Variants in RCSD1 observed in about 807,000 individuals in gnomAD.
RCSD1 encodes RCSD domain containing 1.
Under a neutral mutation model 42.5 loss-of-function variants are expected in RCSD1, and 26 were observed. The observed-to-expected ratio is 0.61, with a 90% CI of 0.45 to 0.85. The LOEUF is 0.85. Ranked by LOEUF, RCSD1 falls within the 40% of genes least tolerant of loss-of-function variation. The pLI is 0.00. For synonymous variants in RCSD1, 220 were observed against 212.2 expected (o/e 1.04, Z -0.32); for missense variants, 571 against 528.3 (o/e 1.08, Z -0.79).
At chr1:167,633,701 C>T (rs1657759127) in intron 1 of RCSD1, 1 of 152,186 alleles carries the variant, frequency 6.6e-6, no homozygotes, top group Admixed American at 6.5e-5. Flanking sequence ...GATTCTGCTC[C>T]ATGGACAGTA....
intron 1 of RCSD1, among the ~76,000 whole-genome samples, chr1:167,674,551 C>T (rs1181530079): frequency 1.3e-5 from 2 of 152,210 alleles, no homozygotes; most frequent in African/African-American, 4.8e-5. Context: ...GACTGTGCAA[C>T]CACCACCACA....
At chr1:167,656,207 G>A (rs537013434) in intron 1 of RCSD1, among the ~76,000 whole-genome samples, 4 of 152,306 alleles carry the variant, frequency 2.6e-5, no homozygotes, top group East Asian at 3.9e-4. Flanking sequence ...CTGCTGAGGC[G>A]CAAGCGGAGG....
chr1:167,652,666 T>C (rs907385657), intron 1 of RCSD1, among the ~76,000 whole-genome samples: 2 of 152,240 alleles, frequency 1.3e-5, no homozygotes, highest in Non-Finnish European at 2.9e-5. Flanking sequence ...TGAATTTGTA[T>C]TGATTTGCTG....
rs1262334234 is a variant in RCSD1 at position 167,706,933 on chromosome 1, A to G, written c.*2237A>G. 6.6e-6 allele frequency among the ~76,000 whole-genome samples: 1 copy of G among 152,246 alleles called. No individual in the cohort carries two copies. The highest frequency in any genetic ancestry group is 2.4e-5 in the African/African-American group (1 of 41,470). The stretch of plus-strand genomic sequence containing the variant: ...AGCACAAAGTTATTAACAGGCCAGG[A>G]AGACCTTGTTTCTTTCAGGCTTCCA... On this transcript the variant is annotated 3_prime_UTR_variant, in exon 7 of 7. Coordinates refer to ENST00000367854, the MANE Select transcript of RCSD1 (RefSeq NM_052862.4).
At chr1:167,701,506 A>G (rs1659646365) in intron 6 of RCSD1, among the ~76,000 whole-genome samples, 1 of 151,920 alleles carries the variant, frequency 6.6e-6, no homozygotes, top group Non-Finnish European at 1.5e-5. Context: ...AGGTTTCACC[A>G]TATTGGCCAG....
intron 1 of RCSD1, among the ~76,000 whole-genome samples, chr1:167,658,416 G>T (rs11581708): frequency 0.038 from 5,750 of 151,894 alleles, 161 homozygotes; most frequent in Non-Finnish European, 0.06. Flanking sequence ...GAGTTTTTTT[G>T]TTGTTGTTGT....
chr1:167,685,654 C>T, intron 3 of RCSD1, 144 bp downstream of exon 3: 1 of 637,644 alleles, frequency 1.6e-6, no homozygotes, highest in Non-Finnish European at 2.7e-6. Context: ...GAGTGAATCT[C>T]CTCTTAAATG....
chr1:167,670,728 T>C (rs1658787051), intron 1 of RCSD1, among the ~76,000 whole-genome samples: 1 of 151,988 alleles, frequency 6.6e-6, no homozygotes, highest in Non-Finnish European at 1.5e-5. Context: ...GCTCCTCCCC[T>C]CGGCTCCCCC....
Position 167,684,490 on chromosome 1 carries a change from G to A in RCSD1, c.108+489G>A, listed in dbSNP as rs548341193. On this transcript the variant is annotated intron_variant, in intron 2 of 6. Transcript: ENST00000367854. ...AGGAAGGAAGAGCGTCCGGTGACCA[G>A]TAGAGGAAAGTGTGACAAGGGAGGG... 1.4e-4 allele frequency among the ~76,000 whole-genome samples: 21 copies of A among 150,674 alleles called. No homozygotes were observed. In the East Asian group the frequency reaches 4.0e-3, roughly 28 times the overall value.
At chr1:167,693,958 G>A in intron 4 of RCSD1, 141 bp from the exon 5 acceptor site, 2 of 716,618 alleles carry the variant, frequency 2.8e-6, no homozygotes, top group South Asian at 3.6e-5. Flanking sequence ...TGGGACAGTG[G>A]ATAATGGGTT....
At position 167,705,848 on chromosome 1, in the gene RCSD1, T is replaced by A. The variant is rs1354945872; in HGVS notation, c.*1152T>A. On this transcript the variant is annotated 3_prime_UTR_variant, in exon 7 of 7. Transcript: ENST00000367854. ...CTGACTACCCAGTCTTTGACTTGTA[T>A]CCTCTCCCCTCTTCATACACTCCTG... is the stretch of plus-strand genomic sequence containing the variant. 1 of 152,196 alleles carries A rather than the reference T, an allele frequency of 6.6e-6. No individual in the cohort carries two copies. Among genetic ancestry groups the A allele is most frequent in the East Asian group, 1.9e-4 (1 of 5,192 alleles). 9.4% of individuals were successfully genotyped at this position (152,196 alleles called of 1,614,324 possible). A position where few individuals can be genotyped will look rare whatever the true frequency, so the allele number is the denominator to read the frequency against.
intron 1 of RCSD1, among the ~76,000 whole-genome samples, chr1:167,639,026 G>A (rs980213849): frequency 1.3e-5 from 2 of 152,100 alleles, no homozygotes; most frequent in Admixed American, 1.3e-4. Context: ...GACCATCCTG[G>A]CTAACACGAT....
At position 167,677,884 on chromosome 1, in the gene RCSD1, A is replaced by AG. The variant is rs34912491; in HGVS notation, c.7-6010dup. ...GAATTTTCTAGTGGGAAAAATTATG[A>AG]GGGGGGTATGTCGCTTTTTAATCTT... On this transcript the variant is annotated intron_variant, in intron 1 of 6. Transcript: ENST00000367854. Among the ~76,000 whole-genome samples, 41 of 152,312 alleles carry AG rather than the reference A, an allele frequency of 2.7e-4. 1 individual carries two copies. The East Asian group carries it at 7.5e-3, about 28-fold the overall frequency.
intron 1 of RCSD1, among the ~76,000 whole-genome samples, chr1:167,669,631 C>T (rs1011416704): frequency 2.0e-5 from 3 of 152,336 alleles, no homozygotes; most frequent in Middle Eastern, 3.4e-3. Context: ...GGCATGTACT[C>T]GGTGCTCAGG....
intron 1 of RCSD1, among the ~76,000 whole-genome samples, chr1:167,644,676 A>G (rs1658090418): frequency 6.6e-6 from 1 of 152,024 alleles, no homozygotes; most frequent in South Asian, 2.1e-4. Flanking sequence ...TCCTCCCCCC[A>G]CATACCTGGG....
At chr1:167,677,079 G>A (rs1658969632) in intron 1 of RCSD1, among the ~76,000 whole-genome samples, 1 of 152,126 alleles carries the variant, frequency 6.6e-6, no homozygotes, top group Non-Finnish European at 1.5e-5. Context: ...GGACTTTTTT[G>A]GTTCTGTGTG....
chr1:167,700,713 C>T (rs1659617468), intron 6 of RCSD1, among the ~76,000 whole-genome samples: 1 of 151,320 alleles, frequency 6.6e-6, no homozygotes, highest in Non-Finnish European at 1.5e-5. Context: ...GCAATCTTTA[C>T]ATTTAGGATT....
intron 1 of RCSD1, among the ~76,000 whole-genome samples, chr1:167,675,385 A>G (rs556050076): frequency 6.6e-6 from 1 of 151,944 alleles, no homozygotes; most frequent in Non-Finnish European, 1.5e-5. Context: ...TTGCAGGGGA[A>G]CTCCCCTTTA....
In RCSD1 at chr1:167,694,250, C is replaced by T; in HGVS notation, c.422C>T (p.Pro141Leu). The change falls in exon 5 of 7, where the codon CCT becomes CTT. Residue 141 changes from proline to leucine, a missense_variant. Pro to Leu is a moderately conservative substitution (Grantham distance 98, BLOSUM62 -3). Transcript: ENST00000367854. ...RSRPSEAEEV[P>L]VSFDQPPEGS... ...AGGCCCAGCGAGGCAGAGGAGGTGCCTGTCAGCTTCGACCAGCCCCCTGAA... is the reference window on the plus strand; with the variant it reads ...AGGCCCAGCGAGGCAGAGGAGGTGCTTGTCAGCTTCGACCAGCCCCCTGAA... 1 of 1,614,224 alleles carries T rather than the reference C, an allele frequency of 6.2e-7. No individual in the cohort carries two copies. The highest frequency in any genetic ancestry group is 8.5e-7 in the Non-Finnish European group (1 of 1,180,048).
Sources: allele counts gnomAD v4.1 joint callset (sites outside exome capture counted in the v4.1 genomes callset), GRCh38; gene constraint gnomAD v4.1.1; transcripts MANE v1.5; gene names NCBI Gene and HGNC (gene_info 2026-07-23, HGNC 2026-07-21).